DAAM2: variants seen among roughly 807,000 people sequenced by gnomAD.
DAAM2 encodes dishevelled associated activator of morphogenesis 2.
Under a neutral mutation model 120.7 loss-of-function variants are expected in DAAM2, and 39 were observed. That is an observed-to-expected ratio of 0.32 (90% CI 0.25 to 0.42). The LOEUF (loss-of-function observed/expected upper bound fraction) is 0.42. Among genes scored for constraint, DAAM2 ranks in the 10% least tolerant of loss-of-function variants. The pLI is 1.00. For missense variants in DAAM2, 1,283 were observed against 1,401.7 expected (o/e 0.92, Z 1.35); for synonymous variants, 488 against 524.9 (o/e 0.93, Z 0.96).
intron 15 of DAAM2, chr6:39,886,703 A>G: frequency 2.7e-6 from 1 of 373,540 alleles, no homozygotes. Flanking sequence ...CTACTGTCTT[A>G]CCCACCAGGC....
chr6:39,862,499 A>T (rs956650141), intron 3 of DAAM2: 1 of 152,150 alleles, frequency 6.6e-6, no homozygotes, highest in African/African-American at 2.4e-5. Context: ...TGCTAAAACA[A>T]ACAAACAAAC....
At position 39,904,722 on chromosome 6, in the gene DAAM2, C is replaced by A. The variant is rs898971999; in HGVS notation, c.*2685C>A. On this transcript the variant is annotated 3_prime_UTR_variant, in exon 25 of 25. Transcript: ENST00000274867. ...TCTCCCCCGACTTCTACCAGGGATG[C>A]CTTCACGCCAAGGCTGTTCTCACCA... The A allele has an allele frequency of 6.6e-6, 3 of 454,024 alleles. No homozygotes were observed. The highest frequency in any genetic ancestry group is 6.0e-5 in the African/African-American group (3 of 50,020). 28.1% of individuals were successfully genotyped at this position (454,024 alleles called of 1,614,324 possible).
intron 11 of DAAM2, among the ~76,000 whole-genome samples, chr6:39,876,749 G>A (rs1313404812): frequency 6.6e-6 from 1 of 151,978 alleles, no homozygotes; most frequent in Non-Finnish European, 1.5e-5. Flanking sequence ...ATGTGCATAT[G>A]TGTGCACATA....
rs758420782 is a variant in DAAM2, at chr6:39,901,404, C to T, written c.2914C>T (p.Arg972Trp). The change falls in exon 24 of 25, where the codon CGG (arginine) becomes TGG (tryptophan). Residue 972 changes from arginine (R) to tryptophan (W), a missense_variant. This residue lies in a region of DAAM2 where 748 missense variants were observed against 768.6 expected (regional missense o/e 0.97). Coordinates refer to ENST00000274867, the MANE Select transcript of DAAM2 (RefSeq NM_001201427.2). The surrounding 1 kb of genome is among the most constrained non-coding windows in gnomAD (Gnocchi z 4.5). ...CTTCTTGCAGGCCTTCTCAGAGGCCCGGCAGGATCTAGAGGCCATGAGGAG... is the reference window on the plus strand; with the variant it reads ...CTTCTTGCAGGCCTTCTCAGAGGCCTGGCAGGATCTAGAGGCCATGAGGAG... ...DTFLQAFSEARQDLEAMRRRK... is the reference protein window; with the variant it reads ...DTFLQAFSEAWQDLEAMRRRK... 2.1e-5 allele frequency: 34 copies of T among 1,613,528 alleles called. No individual in the cohort carries two copies. The Admixed American group carries it at 2.2e-4, about 10-fold the overall frequency.
At chr6:39,859,166 C>A (rs1456353458) in intron 2 of DAAM2, among the ~76,000 whole-genome samples, 1 of 152,132 alleles carries the variant, frequency 6.6e-6, no homozygotes, top group Non-Finnish European at 1.5e-5. Flanking sequence ...CTACTGAAGA[C>A]TTGCGGGAGG....
intron 19 of DAAM2, 49 bp downstream of exon 19, chr6:39,891,771 A>G: frequency 6.8e-7 from 1 of 1,478,232 alleles, no homozygotes; most frequent in South Asian, 1.2e-5. Flanking sequence ...TATCTGAGAA[A>G]GGCAGGGTGG....
intron 1 of DAAM2, among the ~76,000 whole-genome samples, chr6:39,838,802 G>A (rs918957228): frequency 6.6e-6 from 1 of 152,070 alleles, no homozygotes; most frequent in African/African-American, 2.4e-5. Flanking sequence ...GAGATTACAG[G>A]CACACACTAC....
At chr6:39,830,396 C>T (rs73734910) in intron 1 of DAAM2, among the ~76,000 whole-genome samples, 4,447 of 152,178 alleles carry the variant, frequency 0.029, 227 homozygotes, top group African/African-American at 0.099. Flanking sequence ...TGTCATTCCA[C>T]GCACTCCCTC....
chr6:39,856,185 A>T, intron 1 of DAAM2, 62 bp from the exon 2 acceptor site: 1 of 1,284,830 alleles, frequency 7.8e-7, no homozygotes, highest in Non-Finnish European at 9.9e-7. Flanking sequence ...AGGCAGAGTG[A>T]CCTCTGCCCT....
rs968220641 is a variant in DAAM2, at chr6:39,902,182, G to T, written c.*145G>T. On this transcript the variant is annotated 3_prime_UTR_variant, in exon 25 of 25. Coordinates refer to ENST00000274867, the MANE Select transcript of DAAM2 (RefSeq NM_001201427.2). ...TGGGATGGGGGGCTGTGTGTGGCTG[G>T]ACCAGGTGTCTCCCCACGCTTACCT... 31 of 595,176 alleles carry T rather than the reference G, an allele frequency of 5.2e-5. No homozygotes were observed. The highest frequency in any genetic ancestry group is 7.7e-5 in the South Asian group (3 of 39,114). 36.9% of individuals were successfully genotyped at this position (595,176 alleles called of 1,614,324 possible). A position where few individuals can be genotyped will look rare whatever the true frequency, so the allele number is the denominator to read the frequency against.
chr6:39,837,799 C>A lies in DAAM2; in HGVS notation c.-56-18448C>A, dbSNP rs574066499. Among the ~76,000 whole-genome samples the A allele has an allele frequency of 3.9e-5, 6 of 152,190 alleles. 1 individual carries two copies. The highest frequency in any genetic ancestry group is 1.4e-4 in the African/African-American group (6 of 41,516). On this transcript the variant is annotated intron_variant, in intron 1 of 24. Transcript: ENST00000274867. ...AAGGGGAAATTTTTATGTATGGCCCCTACAAAACCCCAATGCCATATATTT... is the reference window on the plus strand; with the variant it reads ...AAGGGGAAATTTTTATGTATGGCCCATACAAAACCCCAATGCCATATATTT...
chr6:39,866,862 T>C (rs1764453018), intron 5 of DAAM2, among the ~76,000 whole-genome samples: 1 of 152,270 alleles, frequency 6.6e-6, no homozygotes, highest in African/African-American at 2.4e-5. Context: ...CTGTCATTTA[T>C]TGCTGACATT....
At chr6:39,795,291 C>T (rs62402525) in intron 1 of DAAM2, among the ~76,000 whole-genome samples, 4,135 of 152,250 alleles carry the variant, frequency 0.027, 102 homozygotes, top group South Asian at 0.12. Flanking sequence ...GCTTTGATAG[C>T]GGATGACCCT....
Position 39,891,699 on chromosome 6 carries a change from C to T in DAAM2, c.2318C>T (p.Ala773Val). The change falls in exon 19 of 25, where the codon GCT becomes GTT. Residue 773 changes from alanine (A) to valine (V), a missense_variant. Ala to Val is a moderately conservative substitution (Grantham distance 64). Transcript: ENST00000274867. ...FFKKKFQERLAEAKPKVEAIL... is the reference protein window; with the variant it reads ...FFKKKFQERLVEAKPKVEAIL... ...AAGAAGAAATTCCAGGAGCGGCTGG[C>T]TGAGGCAAAGCCCAAAGTGGAAGGT... 6.2e-7 allele frequency: 1 copy of T among 1,605,520 alleles called. No individual in the cohort carries two copies. The highest frequency in any genetic ancestry group is 8.5e-7 in the Non-Finnish European group (1 of 1,176,066).
At chr6:39,846,622 C>A (rs1389269531) in intron 1 of DAAM2, among the ~76,000 whole-genome samples, 2 of 152,072 alleles carry the variant, frequency 1.3e-5, no homozygotes, top group Non-Finnish European at 2.9e-5. Context: ...TGGACTAGAA[C>A]CCCCGCTGGG....
chr6:39,826,927 A>G (rs1163984445), intron 1 of DAAM2, among the ~76,000 whole-genome samples: 2 of 152,184 alleles, frequency 1.3e-5, no homozygotes, highest in African/African-American at 2.4e-5. Context: ...GTTGGGAATC[A>G]GTTTCCTGGA....
chr6:39,842,902 C>T (rs566053612), intron 1 of DAAM2, among the ~76,000 whole-genome samples: 12 of 151,832 alleles, frequency 7.9e-5, no homozygotes, highest in Non-Finnish European at 1.5e-4. Context: ...GCATGTGGAA[C>T]GAGCAAGTCT....
chr6:39,823,891 CCT>C (rs1762575448), intron 1 of DAAM2, among the ~76,000 whole-genome samples: 1 of 152,150 alleles, frequency 6.6e-6, no homozygotes, highest in Non-Finnish European at 1.5e-5. Context: ...TCCTTTCCCT[CCT>C]CCCCCTGCTG....
chr6:39,838,425 C>T (rs1224716789), intron 1 of DAAM2, among the ~76,000 whole-genome samples: 1 of 152,134 alleles, frequency 6.6e-6, no homozygotes, highest in Non-Finnish European at 1.5e-5. Flanking sequence ...TTAAGATAAC[C>T]AGCGCTCAAT....
Sources: gnomAD v4.1 joint callset for allele counts (sites outside exome capture counted in the v4.1 genomes callset) on GRCh38, gnomAD v4.1.1 for gene constraint, gnomAD v4.1.1 regional missense constraint, Gnocchi (gnomAD v3.1) non-coding constraint, MANE v1.5 for transcripts, NCBI Gene and HGNC (gene_info 2026-07-23, HGNC 2026-07-21) for gene names.